GRID2: variants seen among roughly 807,000 people sequenced by gnomAD.
GRID2 encodes glutamate ionotropic receptor delta type subunit 2, also known as glutamate receptor ionotropic, delta-2.
GRID2 carries 33 observed loss-of-function variants against 114.8 expected under a neutral mutation model. That is an observed-to-expected ratio of 0.29 (90% CI 0.22 to 0.38). The LOEUF (loss-of-function observed/expected upper bound fraction) is 0.38, where lower values mean the gene tolerates loss of function less well. Among genes scored for constraint, GRID2 ranks in the 10% least tolerant of loss-of-function variants. The probability of loss-of-function intolerance (pLI) is 1.00; values close to 1 mark genes in which losing one functional copy is unlikely to be tolerated. For missense variants in GRID2, 1,184 were observed against 1,257.7 expected (o/e 0.94, Z 0.89); for synonymous variants, 505 against 449.9 (o/e 1.12, Z -1.55).
chr4:93,395,183 C>CT (rs994751164), intron 8 of GRID2, among the ~76,000 whole-genome samples: 3 of 151,856 alleles, frequency 2.0e-5, no homozygotes, highest in East Asian at 1.9e-4. Context: ...AAAATAGTGT[C>CT]TTTTTTCCCA....
At chr4:93,659,433 T>C (rs1400468517) in intron 14 of GRID2, among the ~76,000 whole-genome samples, 2 of 152,206 alleles carry the variant, frequency 1.3e-5, no homozygotes, top group Non-Finnish European at 2.9e-5. Flanking sequence ...TTCCCATACA[T>C]CTTTTGGTTA....
At chr4:92,511,238 G>A (rs1252051877) in intron 1 of GRID2, among the ~76,000 whole-genome samples, 2 of 151,764 alleles carry the variant, frequency 1.3e-5, no homozygotes, top group Admixed American at 6.6e-5. Flanking sequence ...AAGAGTGGGA[G>A]CAAGAGAGAA....
intron 2 of GRID2, among the ~76,000 whole-genome samples, chr4:92,603,064 T>A (rs1270826311): frequency 2.0e-5 from 3 of 152,022 alleles, no homozygotes; most frequent in African/African-American, 4.8e-5. Context: ...CACAAAGAAA[T>A]GGAAAAACAT....
At chr4:92,993,247 C>G (rs1206397514) in intron 2 of GRID2, among the ~76,000 whole-genome samples, 1 of 148,184 alleles carries the variant, frequency 6.7e-6, no homozygotes, top group African/African-American at 2.5e-5. Flanking sequence ...TTTGGCTATT[C>G]TTGAAAAACA....
intron 2 of GRID2, among the ~76,000 whole-genome samples, chr4:92,615,033 C>T (rs559073489): frequency 6.6e-6 from 1 of 151,212 alleles, no homozygotes; most frequent in South Asian, 2.1e-4. Context: ...TACCAAAAAC[C>T]AAATACCATA....
intron 1 of GRID2, among the ~76,000 whole-genome samples, chr4:92,391,744 C>T (rs550163354): frequency 1.3e-5 from 2 of 152,288 alleles, no homozygotes; most frequent in Admixed American, 1.3e-4. Context: ...CTAACTTGAT[C>T]TTTTTAGGTC....
intron 4 of GRID2, among the ~76,000 whole-genome samples, chr4:93,115,965 T>C (rs1023048126): frequency 1.1e-4 from 16 of 152,146 alleles, no homozygotes. Flanking sequence ...TCTTTAACTT[T>C]TTTGTTTTAA....
chr4:93,612,904 T>C (rs1465113727), intron 13 of GRID2, among the ~76,000 whole-genome samples: 1 of 145,930 alleles, frequency 6.9e-6, no homozygotes, highest in Non-Finnish European at 1.5e-5. Flanking sequence ...TCCTGCAGAG[T>C]GTTTTCCAAC....
chr4:93,523,383 G>A (rs1266062859), intron 13 of GRID2, among the ~76,000 whole-genome samples: 1 of 152,062 alleles, frequency 6.6e-6, no homozygotes, highest in Non-Finnish European at 1.5e-5. Context: ...ACTCTCAAGA[G>A]TATTACCATT....
At chr4:92,673,695 T>C (rs1211739811) in intron 2 of GRID2, among the ~76,000 whole-genome samples, 1 of 152,212 alleles carries the variant, frequency 6.6e-6, no homozygotes, top group African/African-American at 2.4e-5. Context: ...TTTTGATCTA[T>C]TGAATTCTGG....
chr4:92,454,718 C>G (rs1028765962), intron 1 of GRID2, among the ~76,000 whole-genome samples: 1 of 152,192 alleles, frequency 6.6e-6, no homozygotes, highest in South Asian at 2.1e-4. Flanking sequence ...CGCCTGTAGT[C>G]CCAGCTATTC....
chr4:92,668,292 C>T (rs1387532759), intron 2 of GRID2, among the ~76,000 whole-genome samples: 1 of 151,690 alleles, frequency 6.6e-6, no homozygotes, highest in Non-Finnish European at 1.5e-5. Flanking sequence ...TGTTATCTTC[C>T]TCAATCTTTT....
intron 2 of GRID2, among the ~76,000 whole-genome samples, chr4:92,904,553 A>T (rs1346076208): frequency 1.3e-5 from 2 of 151,892 alleles, no homozygotes; most frequent in Non-Finnish European, 2.9e-5. Flanking sequence ...GACTGTGGCA[A>T]CAGAGTTTCT....
At chr4:92,635,397 A>G (rs1024983163) in intron 2 of GRID2, among the ~76,000 whole-genome samples, 7 of 151,962 alleles carry the variant, frequency 4.6e-5, no homozygotes, top group Admixed American at 1.3e-4. Context: ...GAGGTTATAT[A>G]TGTCTTTATT....
intron 2 of GRID2, among the ~76,000 whole-genome samples, chr4:92,855,656 A>T (rs1001095700): frequency 1.3e-5 from 2 of 151,972 alleles, no homozygotes; most frequent in Admixed American, 1.3e-4. Context: ...GAAAGTGATA[A>T]GTTAATATAA....
At chr4:92,878,587 T>C (rs1027126487) in intron 2 of GRID2, among the ~76,000 whole-genome samples, 1 of 152,156 alleles carries the variant, frequency 6.6e-6, no homozygotes, top group Admixed American at 6.5e-5. Context: ...GTTTAAGATT[T>C]CGTGGCTCTT....
chr4:93,399,008 A>C (rs1765626090), intron 9 of GRID2, among the ~76,000 whole-genome samples: 1 of 151,868 alleles, frequency 6.6e-6, no homozygotes, highest in East Asian at 1.9e-4. Flanking sequence ...AACACTGAGA[A>C]CCACTCTCCC....
intron 1 of GRID2, among the ~76,000 whole-genome samples, chr4:92,310,952 T>C (rs886427038): frequency 1.3e-5 from 2 of 152,116 alleles, no homozygotes; most frequent in Non-Finnish European, 2.9e-5. Context: ...AAATTGAAGA[T>C]GTCTTTGTTG....
intron 2 of GRID2, among the ~76,000 whole-genome samples, chr4:92,763,438 T>G (rs1738115738): frequency 6.6e-6 from 1 of 152,162 alleles, no homozygotes; most frequent in Non-Finnish European, 1.5e-5. Flanking sequence ...CTCAAACATA[T>G]TTTTGAAAAA....
Sources: gnomAD v4.1 joint callset for allele counts (sites outside exome capture counted in the v4.1 genomes callset) on GRCh38, gnomAD v4.1.1 for gene constraint, MANE v1.5 for transcripts, NCBI Gene and HGNC (gene_info 2026-07-23, HGNC 2026-07-21) for gene names.